The following HMGA2 variants were observed in gnomAD, a reference collection of about 807,000 sequenced individuals.
HMGA2 encodes high mobility group protein HMGI-C.
In HMGA2, 8 loss-of-function variants were observed where a neutral mutation model predicts 19.1. That is an observed-to-expected ratio of 0.42 (90% CI 0.25 to 0.76). The LOEUF (loss-of-function observed/expected upper bound fraction) is 0.76, where lower values mean the gene tolerates loss of function less well. Ranked by LOEUF, HMGA2 falls within the 30% of genes least tolerant of loss-of-function variation. The pLI is 0.28. For synonymous variants in HMGA2, 60 were observed against 48.8 expected, an observed-to-expected ratio of 1.23 and a Z score of -0.96; for missense variants, 109 against 136.3, an observed-to-expected ratio of 0.80 and a Z score of 1.00.
At chr12:65,871,901 G>A (rs74359635) in intron 3 of HMGA2, among the ~76,000 whole-genome samples, 3,599 of 152,224 alleles carry the variant, frequency 0.024, 143 homozygotes, top group African/African-American at 0.083. Flanking sequence ...GGCTGATGCC[G>A]CAGAAAATAA....
chr12:65,902,087 A>T (rs1874395192), intron 3 of HMGA2, among the ~76,000 whole-genome samples: 1 of 152,178 alleles, frequency 6.6e-6, no homozygotes, highest in African/African-American at 2.4e-5. Context: ...GCTCTGCACC[A>T]ATATAAGGAG....
intron 3 of HMGA2, among the ~76,000 whole-genome samples, chr12:65,916,515 T>C (rs886766334): frequency 6.6e-6 from 1 of 152,158 alleles, no homozygotes; most frequent in Non-Finnish European, 1.5e-5. Flanking sequence ...ATTAAGTAAA[T>C]AGAAAAGCTT....
intron 3 of HMGA2, chr12:65,856,193 A>T (rs1167954657): frequency 1.3e-5 from 2 of 152,196 alleles, no homozygotes; most frequent in Non-Finnish European, 2.9e-5. Context: ...CAAATGGAAG[A>T]CTGCAGTTCT....
intron 3 of HMGA2, among the ~76,000 whole-genome samples, chr12:65,934,200 A>G (rs1296780852): frequency 6.6e-6 from 1 of 152,214 alleles, no homozygotes; most frequent in Non-Finnish European, 1.5e-5. Flanking sequence ...ATTCCATATA[A>G]TTGGAGTAAT....
intron 3 of HMGA2, chr12:65,881,465 C>A: frequency 2.0e-6 from 1 of 505,598 alleles, no homozygotes; most frequent in South Asian, 3.2e-5. Context: ...TAAAAAAAAC[C>A]CTTAAAGGAT....
chr12:65,848,873 A>G (rs1871339812), intron 3 of HMGA2, among the ~76,000 whole-genome samples: 1 of 152,228 alleles, frequency 6.6e-6, no homozygotes, highest in South Asian at 2.1e-4. Context: ...AAAAAAAAAA[A>G]AAGTTTAAGC....
At chr12:65,859,874 A>G (rs1871957061) in intron 3 of HMGA2, 1 of 217,034 alleles carries the variant, frequency 4.6e-6, no homozygotes, top group South Asian at 6.3e-5. Flanking sequence ...GCTTGAGCCC[A>G]GGAGTTTGAG....
At chr12:65,921,771 G>A (rs1875323073) in intron 3 of HMGA2, among the ~76,000 whole-genome samples, 1 of 152,216 alleles carries the variant, frequency 6.6e-6, no homozygotes, top group Non-Finnish European at 1.5e-5. Flanking sequence ...TCACAGGCCT[G>A]GAGATCCAGG....
chr12:65,955,628 G>A (rs980554617), intron 4 of HMGA2: 3 of 152,176 alleles, frequency 2.0e-5, no homozygotes, highest in Non-Finnish European at 4.4e-5. Context: ...CCTGGCAAAC[G>A]ATGCCTCTGG....
At chr12:65,962,717 C>A in intron 4 of HMGA2, among the ~76,000 whole-genome samples, 1 of 152,076 alleles carries the variant, frequency 6.6e-6, no homozygotes. Context: ...CTTGTCTGTG[C>A]CTTGGTTTTC....
chr12:65,876,641 C>G (rs1215824419), intron 3 of HMGA2, among the ~76,000 whole-genome samples: 1 of 152,152 alleles, frequency 6.6e-6, no homozygotes, highest in African/African-American at 2.4e-5. Flanking sequence ...TTTTTGAAAA[C>G]CATAAAATCA....
intron 3 of HMGA2, among the ~76,000 whole-genome samples, chr12:65,861,067 T>C (rs1355569705): frequency 1.3e-5 from 2 of 152,156 alleles, no homozygotes; most frequent in Non-Finnish European, 2.9e-5. Context: ...CTATGATTGA[T>C]TTTAAAAAAG....
At chr12:65,961,391 G>C (rs1004076379) in intron 4 of HMGA2, among the ~76,000 whole-genome samples, 1 of 152,184 alleles carries the variant, frequency 6.6e-6, no homozygotes, top group African/African-American at 2.4e-5. Context: ...TGTGGCCAGG[G>C]CTCCACAGAG....
chr12:65,963,351 C>G lies in HMGA2; in HGVS notation c.*59C>G. The stretch of plus-strand genomic sequence containing the variant: ...AGTTGGATCTTTTGAAGGGAGAAGA[C>G]ACTGCAGTGACCACTTATTCTGTAT... On this transcript the variant is annotated 3_prime_UTR_variant, in exon 5 of 5. Transcript: ENST00000403681. The G allele has an allele frequency of 7.5e-7, 1 of 1,340,308 alleles. No individual in the cohort carries two copies. 83.0% of individuals were successfully genotyped at this position (1,340,308 alleles called of 1,614,324 possible).
At chr12:65,951,674 A>AT in intron 4 of HMGA2, 1 of 349,150 alleles carries the variant, frequency 2.9e-6, no homozygotes, top group African/African-American at 2.1e-5. Flanking sequence ...ATTTTATTAC[A>AT]TTGCCTCATA....
At chr12:65,873,729 C>T (rs1193067955) in intron 3 of HMGA2, 1 of 152,174 alleles carries the variant, frequency 6.6e-6, no homozygotes, top group Non-Finnish European at 1.5e-5. Context: ...TATTCATCCT[C>T]ACAAAATTCA....
chr12:65,861,782 T>A (rs147287813), intron 3 of HMGA2, among the ~76,000 whole-genome samples: 2 of 151,870 alleles, frequency 1.3e-5, no homozygotes, highest in Non-Finnish European at 2.9e-5. Context: ...TTTAAAGATA[T>A]GCTTTAACAT....
intron 3 of HMGA2, among the ~76,000 whole-genome samples, chr12:65,898,291 A>ATT (rs375780264): frequency 6.7e-6 from 1 of 148,584 alleles, no homozygotes; most frequent in Non-Finnish European, 1.5e-5. Context: ...CACTTTATTC[A>ATT]TTTTTTTTTT....
intron 3 of HMGA2, among the ~76,000 whole-genome samples, chr12:65,888,554 C>CTTTTTTTTTT (rs1180942808): frequency 2.5e-5 from 1 of 40,578 alleles, no homozygotes; most frequent in African/African-American, 1.0e-4. Context: ...GTGGTGTGCT[C>CTTTTTTTTTT]TTTTTTTTTT....
Sources: allele counts gnomAD v4.1 joint callset (sites outside exome capture counted in the v4.1 genomes callset), GRCh38; gene constraint gnomAD v4.1.1; transcripts MANE v1.5; gene names NCBI Gene and HGNC (gene_info 2026-07-23, HGNC 2026-07-21).